The following ELP3 variants were observed in gnomAD, a reference collection of about 807,000 sequenced individuals.
ELP3 encodes the protein elongator complex protein 3.
A neutral mutation model predicts 74.9 loss-of-function variants in ELP3; 56 were observed. That is an observed-to-expected ratio of 0.75 (90% CI 0.60 to 0.93). The LOEUF (loss-of-function observed/expected upper bound fraction) is 0.93, where lower values mean the gene tolerates loss of function less well. Among genes scored for constraint, ELP3 ranks in the 40% least tolerant of loss-of-function variants. ELP3 has a pLI of 0.00. For synonymous variants in ELP3, 222 were observed against 239.8 expected (o/e 0.93, Z 0.68); for missense variants, 573 against 686.5 (o/e 0.83, Z 1.85).
At chr8:28,141,688 G>A (rs987938346) in intron 10 of ELP3, among the ~76,000 whole-genome samples, 1 of 152,314 alleles carries the variant, frequency 6.6e-6, no homozygotes, top group East Asian at 1.9e-4. Context: ...ATAATTATTT[G>A]TACTGCACTT....
intron 11 of ELP3, 61 bp downstream of exon 11, chr8:28,156,093 A>G (rs1181052463): frequency 3.5e-6 from 5 of 1,434,860 alleles, no homozygotes; most frequent in Middle Eastern, 1.7e-4. Flanking sequence ...CTGAAACACG[A>G]AAGACTTTGC....
rs1811456118 is a variant in ELP3, at chr8:28,100,951, G to A, written c.258+985G>A. Among the ~76,000 whole-genome samples, 3 of 152,112 alleles carry A rather than the reference G, an allele frequency of 2.0e-5. No homozygotes were observed. In the South Asian group the frequency reaches 6.2e-4, roughly 32 times the overall value. On this transcript the variant is annotated intron_variant, in intron 3 of 14. Coordinates refer to ENST00000256398, the MANE Select transcript of ELP3 (RefSeq NM_018091.6). ...AAGTTCATTCTGTTATTTGAATTGG[G>A]ATATTATATTCCAGGCAGCTTGTGT... is the stretch of plus-strand genomic sequence containing the variant.
intron 7 of ELP3, among the ~76,000 whole-genome samples, chr8:28,113,994 T>A (rs1438369744): frequency 6.6e-6 from 1 of 152,120 alleles, no homozygotes; most frequent in Non-Finnish European, 1.5e-5. Context: ...TTTGACACCT[T>A]GTTTTTAGCA....
intron 11 of ELP3, among the ~76,000 whole-genome samples, chr8:28,156,535 G>C (rs1813836026): frequency 6.6e-6 from 1 of 152,094 alleles, no homozygotes; most frequent in African/African-American, 2.4e-5. Flanking sequence ...AAGAGCCCAA[G>C]AACCTGCAAC....
chr8:28,140,890 A>C (rs969015176), intron 10 of ELP3, among the ~76,000 whole-genome samples: 7 of 152,184 alleles, frequency 4.6e-5, no homozygotes, highest in African/African-American at 1.7e-4. Flanking sequence ...ATGAATCAAC[A>C]ATATATATCA....
intron 9 of ELP3, among the ~76,000 whole-genome samples, chr8:28,133,758 A>AT (rs1812871835): frequency 6.6e-6 from 1 of 152,080 alleles, no homozygotes; most frequent in African/African-American, 2.4e-5. Context: ...TACTTTTATT[A>AT]TTTTTTAAGC....
intron 7 of ELP3, among the ~76,000 whole-genome samples, chr8:28,122,610 C>A (rs956960050): frequency 2.6e-5 from 4 of 152,202 alleles, no homozygotes; most frequent in African/African-American, 4.8e-5. Flanking sequence ...CTTTTAACAT[C>A]TGTGGAATCT....
intron 14 of ELP3, among the ~76,000 whole-genome samples, chr8:28,169,099 A>C (rs1231964151): frequency 6.6e-6 from 1 of 152,176 alleles, no homozygotes; most frequent in African/African-American, 2.4e-5. Flanking sequence ...GTTTGTGGCC[A>C]TGGGATCATT....
intron 14 of ELP3, among the ~76,000 whole-genome samples, chr8:28,175,335 C>G (rs1814699912): frequency 6.6e-6 from 1 of 152,058 alleles, no homozygotes; most frequent in Non-Finnish European, 1.5e-5. Context: ...CTTTCTGCTC[C>G]TCAGACTAGA....
chr8:28,090,541 C>G (rs961164523), upstream of ELP3: 8 of 164,858 alleles, frequency 4.9e-5, no homozygotes, highest in Non-Finnish European at 1.0e-4. Flanking sequence ...TCCCTTCTAC[C>G]CTTCCCATTG....
At chr8:28,139,299 T>G (rs1181114280) in intron 10 of ELP3, among the ~76,000 whole-genome samples, 1 of 61,760 alleles carries the variant, frequency 1.6e-5, no homozygotes, top group Non-Finnish European at 5.5e-5. Flanking sequence ...GGGTGCTAGG[T>G]TTTTTTTGTT....
chr8:28,110,530 G>A, intron 6 of ELP3, 92 bp downstream of exon 6: 1 of 1,122,150 alleles, frequency 8.9e-7, no homozygotes, highest in Admixed American at 2.4e-5. Flanking sequence ...CCTGAAATAA[G>A]AATGAAAAAG....
Position 28,182,957 on chromosome 8 carries a change from C to G in ELP3, c.1568-6692C>G, listed in dbSNP as rs75333775. ...GAGGCCAGGGGCTCTTGGCAGCCAG[C>G]CTTGGAGCAGTAGCCAGAGGTCATC... is the stretch of plus-strand genomic sequence containing the variant. On this transcript the variant is annotated intron_variant, in intron 14 of 14. Coordinates refer to ENST00000256398, the MANE Select transcript of ELP3 (RefSeq NM_018091.6). Among the ~76,000 whole-genome samples the G allele has an allele frequency of 4.4e-3, 677 of 152,278 alleles. 5 individuals carry two copies. Among genetic ancestry groups the G allele is most frequent in the African/African-American group, 0.014 (602 of 41,542 alleles).
At chr8:28,099,794 G>A (rs765469285) in intron 2 of ELP3, 34 bp from the exon 3 acceptor site, 206 of 1,612,892 alleles carry the variant, frequency 1.3e-4, no homozygotes, top group Non-Finnish European at 1.6e-4. Flanking sequence ...TTAAATAACC[G>A]TAATCTTGAT....
chr8:28,117,086 C>T (rs553806248), intron 7 of ELP3, among the ~76,000 whole-genome samples: 2 of 152,184 alleles, frequency 1.3e-5, no homozygotes, highest in South Asian at 4.1e-4. Flanking sequence ...GTAAGGTCTT[C>T]TTATCTTGAA....
intron 14 of ELP3, among the ~76,000 whole-genome samples, chr8:28,170,057 G>A (rs907860106): frequency 6.6e-6 from 1 of 152,180 alleles, no homozygotes; most frequent in African/African-American, 2.4e-5. Flanking sequence ...CTCACCCTCA[G>A]GGGGAAGGGA....
intron 7 of ELP3, among the ~76,000 whole-genome samples, chr8:28,120,465 A>G (rs59349678): frequency 0.072 from 10,947 of 152,196 alleles, 787 homozygotes; most frequent in East Asian, 0.33. Context: ...TGTCAGCTCT[A>G]TATTTTGCAA....
upstream of ELP3, chr8:28,092,825 CA>C: frequency 5.2e-6 from 1 of 192,006 alleles, no homozygotes; most frequent in South Asian, 6.9e-5. Flanking sequence ...CCTGGGCTCC[CA>C]CTCCCCCCCA....
intron 14 of ELP3, among the ~76,000 whole-genome samples, chr8:28,176,585 AC>A (rs1814765222): frequency 6.6e-6 from 1 of 152,214 alleles, no homozygotes; most frequent in East Asian, 1.9e-4. Context: ...TAAGTATCTT[AC>A]CAAGTTCCAG....
Sources: gnomAD v4.1 joint callset for allele counts (sites outside exome capture counted in the v4.1 genomes callset) on GRCh38, gnomAD v4.1.1 for gene constraint, MANE v1.5 for transcripts, NCBI Gene and HGNC (gene_info 2026-07-23, HGNC 2026-07-21) for gene names.